HDC: variants seen among roughly 807,000 people sequenced by gnomAD.
HDC encodes the protein histidine decarboxylase.
Under a neutral mutation model 64.4 loss-of-function variants are expected in HDC, and 27 were observed. The observed-to-expected ratio is 0.42, with a 90% CI of 0.31 to 0.58. The LOEUF (loss-of-function observed/expected upper bound fraction) is 0.58, where lower values mean the gene tolerates loss of function less well. Ranked by LOEUF, HDC falls within the 20% of genes least tolerant of loss-of-function variation. The pLI is 0.16. For missense variants in HDC, 711 were observed against 833.9 expected (o/e 0.85, Z 1.81); for synonymous variants, 305 against 314.2 (o/e 0.97, Z 0.31).
intron 10 of HDC, among the ~76,000 whole-genome samples, chr15:50,245,350 T>A (rs919949827): frequency 6.6e-6 from 1 of 152,206 alleles, no homozygotes. Context: ...TCTGGCTTTT[T>A]ACAGGAAATG....
Position 50,242,560 on chromosome 15 carries a change from G to A in HDC, c.1689C>T (p.His563=). 1.9e-6 allele frequency: 3 copies of A among 1,614,214 alleles called. No individual in the cohort carries two copies. Among genetic ancestry groups the A allele is most frequent in the Non-Finnish European group, 2.5e-6 (3 of 1,180,038 alleles). ...FSEEAPDATK[H]KLSSFLFSYL... ...AACTGAACAGGAAGGAGGACAGCTT[G>A]TGCTTGGTGGCATCTGGGGCCTCTT... The change falls in exon 12 of 12, where the codon CAC becomes CAT. Residue 563 remains histidine, a synonymous_variant. Transcript: ENST00000267845.
rs112860839 is a variant in HDC, at chr15:50,247,263, A to C, written c.1140+982T>G. The stretch of plus-strand genomic sequence containing the variant: ...GAACTAGAATGTTTCTAACACAAAG[A>C]AATGATAAATGGTTGAGTGGTGGAT... On this transcript the variant is annotated intron_variant, in intron 10 of 11. Transcript: ENST00000267845. Among the ~76,000 whole-genome samples the C allele has an allele frequency of 5.8e-3, 887 of 152,336 alleles. 3 individuals carry two copies. The highest frequency in any genetic ancestry group is 0.014 in the Middle Eastern group (4 of 294).
intron 10 of HDC, among the ~76,000 whole-genome samples, chr15:50,244,162 C>A (rs2045444658): frequency 6.6e-6 from 1 of 151,794 alleles, no homozygotes; most frequent in Non-Finnish European, 1.5e-5. Context: ...CTTCTCTTTT[C>A]TTTTTAAAAA....
chr15:50,252,934 A>G (rs1420304338), intron 7 of HDC, 160 bp from the exon 8 acceptor site: 3 of 690,862 alleles, frequency 4.3e-6, no homozygotes, highest in Non-Finnish European at 7.4e-6. Context: ...CAGTTTGAAG[A>G]AGTGGGGCTG....
At chr15:50,263,161 G>T in intron 2 of HDC, 74 bp downstream of exon 2, 1 of 1,498,384 alleles carries the variant, frequency 6.7e-7, no homozygotes, top group Non-Finnish European at 9.3e-7. Flanking sequence ...CCCAAAGCAG[G>T]TCTTTCTCCA....
chr15:50,259,960 C>G (rs1287865034), intron 2 of HDC, among the ~76,000 whole-genome samples: 1 of 151,948 alleles, frequency 6.6e-6, no homozygotes, highest in Non-Finnish European at 1.5e-5. Flanking sequence ...TGTAGATTTA[C>G]CATGAAGCTA....
intron 9 of HDC, among the ~76,000 whole-genome samples, chr15:50,251,691 G>A (rs1361254203): frequency 6.6e-6 from 1 of 152,192 alleles, no homozygotes. Flanking sequence ...GGTTTGCTGG[G>A]CGCGGTGGCT....
In HDC at chr15:50,254,277, G is replaced by GA; in HGVS notation, c.577-5dup. 6.2e-7 allele frequency: 1 copy of GA among 1,614,052 alleles called. No individual in the cohort carries two copies. Among genetic ancestry groups the GA allele is most frequent in the Non-Finnish European group, 8.5e-7 (1 of 1,180,022 alleles). On this transcript the variant is annotated splice_polypyrimidine_tract_variant and splice_region_variant and intron_variant, in intron 5 of 11. Transcript: ENST00000267845. ...CCTTTTCCACAGAGGAGTGAGCCTA[G>GA]AAGGGCCACAGAAACCTGTCAGCAA...
intron 10 of HDC, among the ~76,000 whole-genome samples, chr15:50,246,364 G>C (rs1312748739): frequency 3.3e-5 from 5 of 152,184 alleles, no homozygotes; most frequent in Non-Finnish European, 7.3e-5. Flanking sequence ...GAAGAACTTT[G>C]AGCACAGTTT....
chr15:50,253,217 T>C lies in HDC; in HGVS notation c.787+383A>G, dbSNP rs189951609. 3.8e-4 allele frequency: 140 copies of C among 371,960 alleles called. No homozygotes were observed. In the East Asian group the frequency reaches 7.2e-3, roughly 19 times the overall value. The allele number at this position is 371,960 out of a possible 1,614,324, so 23.0% of individuals were successfully genotyped here. ...CTTTAATCTCTCCCATGATTTCCCC[T>C]ACCCTACCCTTTTCCTTTTCTGAAG... On this transcript the variant is annotated intron_variant, in intron 7 of 11. Coordinates refer to ENST00000267845, the MANE Select transcript of HDC (RefSeq NM_002112.4).
intron 9 of HDC, among the ~76,000 whole-genome samples, chr15:50,251,064 A>G (rs907060744): frequency 1.3e-5 from 2 of 152,248 alleles, no homozygotes. Flanking sequence ...CACTGCTCTC[A>G]GCACTTCAGT....
chr15:50,243,050 G>A (rs1427734591), intron 11 of HDC, 44 bp from the exon 12 acceptor site: 1 of 1,614,078 alleles, frequency 6.2e-7, no homozygotes, highest in Non-Finnish European at 8.5e-7. Flanking sequence ...CGCACCCCCT[G>A]TCAGCATCCC....
chr15:50,247,657 G>C (rs1020060051), intron 10 of HDC, among the ~76,000 whole-genome samples: 3 of 152,234 alleles, frequency 2.0e-5, no homozygotes. Flanking sequence ...ACATGGGAGA[G>C]AGGCTGCACC....
chr15:50,250,526 C>A (rs886880813), intron 9 of HDC, among the ~76,000 whole-genome samples: 2 of 152,068 alleles, frequency 1.3e-5, no homozygotes, highest in Non-Finnish European at 2.9e-5. Context: ...TCTCCAAACT[C>A]CTAGGAATGA....
At position 50,254,289 on chromosome 15, in the gene HDC, A is replaced by C. The variant is rs1365502494; in HGVS notation, c.577-16T>G. 4 of 1,613,878 alleles carry C rather than the reference A, an allele frequency of 2.5e-6. No individual in the cohort carries two copies. The highest frequency in any genetic ancestry group is 3.4e-6 in the Non-Finnish European group (4 of 1,180,004). On this transcript the variant is annotated splice_polypyrimidine_tract_variant and intron_variant, in intron 5 of 11. Coordinates refer to ENST00000267845, the MANE Select transcript of HDC (RefSeq NM_002112.4). ...AGGAGTGAGCCTAGAAGGGCCACAG[A>C]AACCTGTCAGCAAAGAGTCATCCTG...
At chr15:50,243,047 CCT>C (rs777408511) in intron 11 of HDC, 41 bp from the exon 12 acceptor site, 6 of 1,614,084 alleles carry the variant, frequency 3.7e-6, no homozygotes, top group African/African-American at 2.7e-5. Flanking sequence ...CATCGCACCC[CCT>C]GTCAGCATCC....
intron 6 of HDC, 81 bp downstream of exon 6, chr15:50,254,046 ATGT>A: frequency 2.1e-6 from 3 of 1,419,700 alleles, no homozygotes; most frequent in Non-Finnish European, 3.0e-6. Flanking sequence ...TGTGTGCAGC[ATGT>A]TACTTACCTG....
intron 2 of HDC, among the ~76,000 whole-genome samples, chr15:50,262,415 G>A (rs1461772199): frequency 1.3e-5 from 2 of 152,202 alleles, no homozygotes; most frequent in Non-Finnish European, 2.9e-5. Context: ...CCAGCACAGA[G>A]CTGGCACATG....
In HDC at chr15:50,248,388, C is replaced by A; in HGVS notation, c.1042-45G>T. The A allele has an allele frequency of 7.2e-7, 1 of 1,382,724 alleles. No individual in the cohort carries two copies. The highest frequency in any genetic ancestry group is 1.0e-6 in the Non-Finnish European group (1 of 971,490). 85.7% of individuals were successfully genotyped at this position (1,382,724 alleles called of 1,614,324 possible). On this transcript the variant is annotated intron_variant, in intron 9 of 11. Coordinates refer to ENST00000267845, the MANE Select transcript of HDC (RefSeq NM_002112.4). This position sits in a 1 kb window ranked among gnomAD's most constrained non-coding sequence, Gnocchi z 4.3. Reference sequence around the variant, plus strand: ...GTGCCCAAGGTTAGAGACAAGGGTGCCCCACTCCCTCGGGCATTTCTGGGC... The same window carrying A: ...GTGCCCAAGGTTAGAGACAAGGGTGACCCACTCCCTCGGGCATTTCTGGGC...
Sources: allele counts gnomAD v4.1 joint callset (sites outside exome capture counted in the v4.1 genomes callset), GRCh38; gene constraint gnomAD v4.1.1; non-coding constraint Gnocchi (gnomAD v3.1); transcripts MANE v1.5; gene names NCBI Gene and HGNC (gene_info 2026-07-23, HGNC 2026-07-21).